The following GFRA3 variants were observed in gnomAD, a reference collection of about 807,000 sequenced individuals.
GFRA3 encodes GDNF family receptor alpha-3.
In GFRA3, 24 loss-of-function variants were observed where a neutral mutation model predicts 40.0. The observed-to-expected ratio is 0.60, with a 90% CI of 0.43 to 0.84. The LOEUF (loss-of-function observed/expected upper bound fraction) is 0.84. Among genes scored for constraint, GFRA3 ranks in the 40% least tolerant of loss-of-function variants. The pLI is 0.00. For synonymous variants in GFRA3, 203 were observed against 213.5 expected (o/e 0.95, Z 0.43); for missense variants, 405 against 530.6 (o/e 0.76, Z 2.33).
At chr5:138,269,825 A>G (rs1755842234) in intron 1 of GFRA3, among the ~76,000 whole-genome samples, 2 of 147,294 alleles carry the variant, frequency 1.4e-5, no homozygotes, top group South Asian at 4.4e-4. Flanking sequence ...CCTGGTGGTG[A>G]CACAGCAAGA....
chr5:138,257,056 T>C (rs1231945763), intron 4 of GFRA3, among the ~76,000 whole-genome samples: 5 of 152,180 alleles, frequency 3.3e-5, no homozygotes, highest in Non-Finnish European at 5.9e-5. Context: ...ATAAATTATG[T>C]AATTTAACTC....
intron 2 of GFRA3, among the ~76,000 whole-genome samples, chr5:138,261,360 G>A (rs768125079): frequency 1.5e-4 from 23 of 152,160 alleles, no homozygotes; most frequent in Non-Finnish European, 2.8e-4. Context: ...CCCAAATGTG[G>A]AGGAAAAGAT....
In GFRA3 at chr5:138,274,585, A is replaced by G. The variant is rs2126624177; in HGVS notation, c.-161T>C. The G allele has an allele frequency of 8.2e-7, 1 of 1,219,604 alleles. No homozygotes were observed. The highest frequency in any genetic ancestry group is 4.3e-5 in the Admixed American group (1 of 23,312). 75.5% of individuals were successfully genotyped at this position (1,219,604 alleles called of 1,614,324 possible). A position where few individuals can be genotyped will look rare whatever the true frequency, so the allele number is the denominator to read the frequency against. The stretch of plus-strand genomic sequence containing the variant: ...CCTGGGCGCCGCCCTCCAACTCCGA[A>G]GCGCGCGTCCACACCACGCGCCTCC... On this transcript the variant is annotated 5_prime_UTR_variant, in exon 1 of 8. Coordinates refer to ENST00000274721, the MANE Select transcript of GFRA3 (RefSeq NM_001496.4).
rs202238427 is a variant in GFRA3 at position 138,257,648 on chromosome 5, G to A, written c.776C>T (p.Pro259Leu). ...LELRRLCFSD[P>L]LCRSRLVDFQ... is the part of the protein sequence containing the mutation. ...CTCCCAAACTACACACCTGCAAAGC[G>A]GGTCGGAGAAGCAGAGGCGCCGCAG... is the stretch of plus-strand genomic sequence containing the variant. The change falls in exon 4 of 8, where the codon CCG becomes CTG. Residue 259 changes from proline to leucine, a missense_variant. By Grantham distance (98) the Pro-to-Leu change is moderately conservative. Coordinates refer to ENST00000274721, the MANE Select transcript of GFRA3 (RefSeq NM_001496.4). The A allele has an allele frequency of 1.4e-4, 222 of 1,608,822 alleles. No individual in the cohort carries two copies. In the Middle Eastern group the frequency reaches 7.4e-3, roughly 53 times the overall value.
rs61550132 is a variant in GFRA3, at chr5:138,271,909, T to TGTGTG, written c.91+2424_91+2425insCACAC. On this transcript the variant is annotated intron_variant, in intron 1 of 7. Coordinates refer to ENST00000274721, the MANE Select transcript of GFRA3 (RefSeq NM_001496.4). ...TCTTTTCTGTTTTTTTTTTTTTTTT[T>TGTGTG]TTTTTGTGTGTGTGTGTGTGTGTGT... Among the ~76,000 whole-genome samples the TGTGTG allele has an allele frequency of 1.1e-3, 110 of 99,662 alleles. 1 individual carries two copies. Among genetic ancestry groups the TGTGTG allele is most frequent in the Non-Finnish European group, 1.6e-3 (78 of 47,694 alleles). 65.4% of individuals were successfully genotyped at this position (99,662 alleles called of 152,430 possible).
At chr5:138,263,003 C>T (rs1430844398) in intron 2 of GFRA3, among the ~76,000 whole-genome samples, 2 of 152,044 alleles carry the variant, frequency 1.3e-5, no homozygotes, top group African/African-American at 2.4e-5. Context: ...CTCGCTCTGT[C>T]GCCCAGGCTA....
intron 7 of GFRA3, 75 bp downstream of exon 7, chr5:138,253,212 C>T (rs962857851): frequency 1.6e-5 from 16 of 1,010,526 alleles, no homozygotes; most frequent in East Asian, 5.1e-5. Context: ...CGCCTCTATC[C>T]CTTTGTCTGC....
chr5:138,271,945 G>GTGTGT (rs1581515827), intron 1 of GFRA3, among the ~76,000 whole-genome samples: 4 of 124,112 alleles, frequency 3.2e-5, no homozygotes, highest in Non-Finnish European at 5.0e-5. Flanking sequence ...GTGTGTGTGT[G>GTGTGT]GTTTGGTTGT....
intron 1 of GFRA3, among the ~76,000 whole-genome samples, chr5:138,270,997 A>ATT (rs929684861): frequency 6.8e-6 from 1 of 147,504 alleles, no homozygotes; most frequent in African/African-American, 2.5e-5. Flanking sequence ...ACTAAAAATA[A>ATT]TTTTTTTTTT....
chr5:138,253,776 G>A lies in GFRA3; in HGVS notation c.1014C>T (p.Asn338=), dbSNP rs771809979. The A allele has an allele frequency of 6.3e-5, 102 of 1,613,868 alleles. 1 individual carries two copies. The East Asian group carries it at 1.0e-3, about 16-fold the overall frequency. Residue 338 remains asparagine (N), a synonymous_variant, in exon 6 of 8, where the codon AAC becomes AAT. Coordinates refer to ENST00000274721, the MANE Select transcript of GFRA3 (RefSeq NM_001496.4). ...GTACAGCACACTCACTGAGGCAGGGGTTGTGGGAGAAGAACCCTTCCAGCA... is the reference window on the plus strand; with the variant it reads ...GTACAGCACACTCACTGAGGCAGGGATTGTGGGAGAAGAACCCTTCCAGCA... ...CEMLEGFFSH[N]PCLTEAIAAK...
chr5:138,274,533 G>T lies in GFRA3; in HGVS notation c.-109C>A. The stretch of plus-strand genomic sequence containing the variant: ...CCGCCCCCGCCTCCCGCCCTCCAGC[G>T]CGACGCACACACTCTCCCACCAGGG... On this transcript the variant is annotated 5_prime_UTR_variant, in exon 1 of 8. Transcript: ENST00000274721. 1 of 1,234,588 alleles carries T rather than the reference G, an allele frequency of 8.1e-7. No individual in the cohort carries two copies. The highest frequency in any genetic ancestry group is 1.6e-5 in the African/African-American group (1 of 64,488). The allele number at this position is 1,234,588 out of a possible 1,614,324, so 76.5% of individuals were successfully genotyped here.
chr5:138,274,263 C>T, intron 1 of GFRA3, 71 bp downstream of exon 1: 42 of 1,305,912 alleles, frequency 3.2e-5, no homozygotes, highest in Non-Finnish European at 4.1e-5. Flanking sequence ...CGGACAGGTG[C>T]CCCGGGCCTC....
intron 1 of GFRA3, among the ~76,000 whole-genome samples, chr5:138,271,455 CTG>C (rs1581515379): frequency 6.6e-6 from 1 of 152,314 alleles, no homozygotes; most frequent in East Asian, 1.9e-4. Flanking sequence ...AAGGTGGAAC[CTG>C]TGTTTCCTGG....
intron 1 of GFRA3, among the ~76,000 whole-genome samples, chr5:138,269,210 C>T (rs868198155): frequency 6.6e-6 from 1 of 152,168 alleles, no homozygotes; most frequent in Middle Eastern, 3.4e-3. Context: ...ACTAGTACAG[C>T]CACTGAGGAA....
chr5:138,263,273 C>T (rs1763253603), intron 2 of GFRA3, among the ~76,000 whole-genome samples: 1 of 152,106 alleles, frequency 6.6e-6, no homozygotes, highest in Non-Finnish European at 1.5e-5. Context: ...GGCTTGATGT[C>T]AGGTTTGAAC....
chr5:138,253,882 T>C lies in GFRA3; in HGVS notation c.908A>G (p.Asn303Ser), dbSNP rs773093047. The C allele has an allele frequency of 6.2e-7, 1 of 1,614,022 alleles. No homozygotes were observed. The highest frequency in any genetic ancestry group is 1.7e-5 in the Admixed American group (1 of 60,002). Residue 303 changes from asparagine to serine, a missense_variant, in exon 6 of 8, where the codon AAC becomes AGC. Coordinates refer to ENST00000274721, the MANE Select transcript of GFRA3 (RefSeq NM_001496.4). ...ACTGGTGTTGACATTGCTGACAAAG[T>C]TGGGGGTCATGGCAGTCCCTGTGAA... ...LGLIGTAMTPNFVSNVNTSVA... is the reference protein window; with the variant it reads ...LGLIGTAMTPSFVSNVNTSVA...
At chr5:138,269,323 G>A (rs1755832366) in intron 1 of GFRA3, among the ~76,000 whole-genome samples, 2 of 151,352 alleles carry the variant, frequency 1.3e-5, no homozygotes, top group African/African-American at 4.9e-5. Flanking sequence ...ATCACCTGAG[G>A]TCAGGAGTTC....
chr5:138,265,246 C>T (rs1423391165), intron 1 of GFRA3, among the ~76,000 whole-genome samples: 5 of 110,642 alleles, frequency 4.5e-5, no homozygotes, highest in Admixed American at 2.5e-4. Context: ...GACAGAGTTT[C>T]GCTCTTGTTA....
At chr5:138,258,060 A>G in intron 3 of GFRA3, 109 bp from the exon 4 acceptor site, 1 of 845,488 alleles carries the variant, frequency 1.2e-6, no homozygotes, top group Non-Finnish European at 2.0e-6. Flanking sequence ...TAGTGGATAT[A>G]GGAGGAAAAG....
Sources: gnomAD v4.1 joint callset for allele counts (sites outside exome capture counted in the v4.1 genomes callset) on GRCh38, gnomAD v4.1.1 for gene constraint, MANE v1.5 for transcripts, NCBI Gene and HGNC (gene_info 2026-07-23, HGNC 2026-07-21) for gene names.